The following SLC24A2 variants were observed in gnomAD, a reference collection of about 807,000 sequenced individuals.
SLC24A2 encodes solute carrier family 24 member 2.
SLC24A2 carries 36 observed loss-of-function variants against 62.0 expected under a neutral mutation model. The ratio of observed to expected loss-of-function variants is 0.58; its 90% CI spans 0.44 to 0.77. The LOEUF (loss-of-function observed/expected upper bound fraction) is 0.77, where lower values mean the gene tolerates loss of function less well. Ranked by LOEUF, SLC24A2 falls within the 30% of genes least tolerant of loss-of-function variation. The pLI is 0.00. For missense variants in SLC24A2, 846 were observed against 817.9 expected (o/e 1.03, Z -0.42); for synonymous variants, 358 against 294.0 (o/e 1.22, Z -2.23).
chr9:20,108,479 A>G, the SLC24A2 span, among the ~76,000 whole-genome samples: 2 of 152,240 alleles, frequency 1.3e-5, no homozygotes, highest in East Asian at 1.9e-4. Flanking sequence ...CTGGATTAAG[A>G]AAACTTGGCA....
At chr9:20,233,905 C>A in the SLC24A2 span, among the ~76,000 whole-genome samples, 1 of 152,134 alleles carries the variant, frequency 6.6e-6, no homozygotes, top group Admixed American at 6.6e-5. Context: ...TTCAGGAGCT[C>A]TTTTAGGGCA....
intron 6 of SLC24A2, among the ~76,000 whole-genome samples, chr9:19,576,684 G>T (rs907050183): frequency 1.4e-4 from 22 of 152,086 alleles, no homozygotes; most frequent in African/African-American, 5.3e-4. Context: ...TTTACTTCAG[G>T]TTCCTCAGAG....
At chr9:20,275,377 G>A in the SLC24A2 span, among the ~76,000 whole-genome samples, 2 of 152,310 alleles carry the variant, frequency 1.3e-5, no homozygotes, top group South Asian at 4.1e-4. Flanking sequence ...CTTGCCCTGA[G>A]GCCTGGTGGT....
At chr9:19,847,964 G>C in the SLC24A2 span, among the ~76,000 whole-genome samples, 3 of 152,306 alleles carry the variant, frequency 2.0e-5, no homozygotes, top group East Asian at 5.8e-4. Context: ...TCCCAGCTTT[G>C]AATCTTATTG....
the SLC24A2 span, among the ~76,000 whole-genome samples, chr9:20,122,252 C>G: frequency 6.6e-6 from 1 of 152,194 alleles, no homozygotes; most frequent in African/African-American, 2.4e-5. Context: ...TCTACTAAGC[C>G]CGCCCTTGTT....
chr9:20,222,859 C>T, the SLC24A2 span, among the ~76,000 whole-genome samples: 1 of 152,008 alleles, frequency 6.6e-6, no homozygotes. Flanking sequence ...CAAGCATTAT[C>T]TTAATAAAGC....
At chr9:19,576,754 C>A (rs1198129663) in intron 6 of SLC24A2, among the ~76,000 whole-genome samples, 170 bp downstream of exon 6, 3 of 152,134 alleles carry the variant, frequency 2.0e-5, no homozygotes, top group Non-Finnish European at 4.4e-5. Flanking sequence ...TCCATGCATA[C>A]CCTGTACACA....
chr9:20,237,178 C>T, the SLC24A2 span, among the ~76,000 whole-genome samples: 780 of 152,246 alleles, frequency 5.1e-3, 13 homozygotes, highest in African/African-American at 0.018. Flanking sequence ...ACTTTCAGAT[C>T]GTATTTCATT....
At chr9:20,297,806 T>C in the SLC24A2 span, among the ~76,000 whole-genome samples, 51 of 152,330 alleles carry the variant, frequency 3.3e-4, no homozygotes, top group South Asian at 1.5e-3. Flanking sequence ...GCTGTGTTTA[T>C]ACTCCCAGGG....
the SLC24A2 span, among the ~76,000 whole-genome samples, chr9:19,849,089 C>T: frequency 6.6e-6 from 1 of 152,170 alleles, no homozygotes; most frequent in Non-Finnish European, 1.5e-5. Flanking sequence ...GCTGGGGGCA[C>T]TGAGTGGGCA....
intron 2 of SLC24A2, among the ~76,000 whole-genome samples, chr9:19,781,347 G>C (rs528380215): frequency 2.0e-5 from 3 of 151,970 alleles, no homozygotes; most frequent in African/African-American, 7.2e-5. Context: ...GAGAGGAAAA[G>C]AAGGACAAAG....
chr9:19,961,849 CAGTCAGGGA>C, the SLC24A2 span, among the ~76,000 whole-genome samples: 58 of 152,324 alleles, frequency 3.8e-4, no homozygotes, highest in African/African-American at 1.3e-3. Flanking sequence ...CTCCCACCTA[CAGTCAGGGA>C]AGTGAACTTG....
the SLC24A2 span, among the ~76,000 whole-genome samples, chr9:20,233,248 G>A: frequency 1.3e-5 from 2 of 152,162 alleles, no homozygotes; most frequent in African/African-American, 4.8e-5. Flanking sequence ...AGGTCTGCTT[G>A]GTGCAGAGCT....
the SLC24A2 span, among the ~76,000 whole-genome samples, chr9:19,831,894 C>G: frequency 6.6e-6 from 1 of 152,182 alleles, no homozygotes; most frequent in East Asian, 1.9e-4. Flanking sequence ...ATGTTAGTAA[C>G]TCTAGAAGTA....
At position 19,531,972 on chromosome 9, in the gene SLC24A2, A is replaced by G. The variant is rs140124200; in HGVS notation, c.1480-3834T>C. ...ACAATATAGTCATGCCCTTGTATTC[A>G]TGAGGGTTCCACCACCCCTGAGGAT... On this transcript the variant is annotated intron_variant, in intron 8 of 10. Coordinates refer to ENST00000341998, the MANE Select transcript of SLC24A2 (RefSeq NM_020344.4). Among the ~76,000 whole-genome samples, 284 of 152,306 alleles carry G rather than the reference A, an allele frequency of 1.9e-3. 1 individual carries two copies. The highest frequency in any genetic ancestry group is 6.5e-3 in the African/African-American group (271 of 41,578).
intron 2 of SLC24A2, among the ~76,000 whole-genome samples, chr9:19,780,556 G>A (rs1822983062): frequency 6.6e-6 from 1 of 151,194 alleles, no homozygotes; most frequent in African/African-American, 2.4e-5. Context: ...GTGAGCCACC[G>A]CGCCCGGCCA....
At chr9:19,575,480 T>C (rs1835982126) in intron 6 of SLC24A2, among the ~76,000 whole-genome samples, 1 of 152,220 alleles carries the variant, frequency 6.6e-6, no homozygotes, top group Non-Finnish European at 1.5e-5. Context: ...CTAACCTGTG[T>C]GTGCACATCT....
At chr9:19,755,502 T>TA (rs1411223668) in intron 2 of SLC24A2, among the ~76,000 whole-genome samples, 1 of 152,210 alleles carries the variant, frequency 6.6e-6, no homozygotes, top group Non-Finnish European at 1.5e-5. Context: ...CGTACTGTGT[T>TA]ACGGAAATAG....
At chr9:19,770,397 AT>A (rs145007919) in intron 2 of SLC24A2, among the ~76,000 whole-genome samples, 3,350 of 151,880 alleles carry the variant, frequency 0.022, 122 homozygotes, top group African/African-American at 0.077. Flanking sequence ...TACTATATGC[AT>A]TTTTTTTCAG....
Sources: gnomAD v4.1 joint callset for allele counts (sites outside exome capture counted in the v4.1 genomes callset) on GRCh38, gnomAD v4.1.1 for gene constraint, MANE v1.5 for transcripts, NCBI Gene and HGNC (gene_info 2026-07-23, HGNC 2026-07-21) for gene names.